The following PLEKHA5 variants were observed in gnomAD, a reference collection of about 807,000 sequenced individuals.
PLEKHA5 encodes the protein pleckstrin homology domain-containing family A member 5.
A neutral mutation model predicts 181.9 loss-of-function variants in PLEKHA5; 55 were observed. The ratio of observed to expected loss-of-function variants is 0.30; its 90% confidence interval spans 0.24 to 0.38. PLEKHA5 has a LOEUF of 0.38. Among genes scored for constraint, PLEKHA5 ranks in the 10% least tolerant of loss-of-function variants. PLEKHA5 has a pLI of 1.00. For synonymous variants in PLEKHA5, 535 were observed against 529.4 expected (o/e 1.01, Z -0.15); for missense variants, 1,432 against 1,549.5 (o/e 0.92, Z 1.27).
At chr12:19,206,483 C>T (rs1293814481) in intron 3 of PLEKHA5, among the ~76,000 whole-genome samples, 1 of 151,890 alleles carries the variant, frequency 6.6e-6, no homozygotes, top group Non-Finnish European at 1.5e-5. Context: ...ATATTTATTT[C>T]CTTCGGGGAA....
chr12:19,186,500 GA>G (rs756746833), intron 3 of PLEKHA5, among the ~76,000 whole-genome samples: 3 of 152,154 alleles, frequency 2.0e-5, no homozygotes, highest in Non-Finnish European at 4.4e-5. Flanking sequence ...GTGAATAACT[GA>G]AAATAAGCTC....
rs1345598530 is a variant in PLEKHA5 at position 19,375,836 on chromosome 12, C to A, written c.*317C>A. 1 of 152,462 alleles carries A rather than the reference C, an allele frequency of 6.6e-6. No homozygotes were observed. Among genetic ancestry groups the A allele is most frequent in the Non-Finnish European group, 1.5e-5 (1 of 68,018 alleles). The allele number at this position is 152,462 out of a possible 1,614,324, so 9.4% of individuals were successfully genotyped here. A position where few individuals can be genotyped will look rare whatever the true frequency, so the allele number is the denominator to read the frequency against. ...CAGAGCTTACTTAGTTGCTGATTTC[C>A]AGATTTCGATGTTTCTTAAGTCTAG... On this transcript the variant is annotated 3_prime_UTR_variant, in exon 32 of 32. Transcript: ENST00000429027.
At chr12:19,156,108 G>T (rs775375755) in intron 3 of PLEKHA5, among the ~76,000 whole-genome samples, 1 of 151,930 alleles carries the variant, frequency 6.6e-6, no homozygotes, top group Non-Finnish European at 1.5e-5. Context: ...ATCAGTTATC[G>T]CGCAAAGTTC....
At chr12:19,285,370 C>T (rs911107728) in intron 12 of PLEKHA5, among the ~76,000 whole-genome samples, 2 of 152,138 alleles carry the variant, frequency 1.3e-5, no homozygotes, top group Non-Finnish European at 2.9e-5. Flanking sequence ...TCTATATTCT[C>T]TATCCAATTC....
chr12:19,322,546 C>A lies in PLEKHA5; in HGVS notation c.2327C>A (p.Ala776Asp). 6.2e-7 allele frequency: 1 copy of A among 1,613,748 alleles called. No homozygotes were observed. The highest frequency in any genetic ancestry group is 8.5e-7 in the Non-Finnish European group (1 of 1,179,722). The change falls in exon 20 of 32, where the codon GCC becomes GAC. Residue 776 changes from alanine to aspartate, a missense_variant. Coordinates refer to ENST00000429027, the MANE Select transcript of PLEKHA5 (RefSeq NM_001256470.2). Reference sequence around the variant, plus strand: ...ACGCTTGAGCAAGCTTTGCTATCAGCCAGCCAAGAGATAGAAATGCATGCA... The same window carrying A: ...ACGCTTGAGCAAGCTTTGCTATCAGACAGCCAAGAGATAGAAATGCATGCA... ...KYTLEQALLS[A>D]SQEIEMHADN...
intron 3 of PLEKHA5, among the ~76,000 whole-genome samples, chr12:19,246,839 A>T (rs940821236): frequency 7.9e-5 from 12 of 152,102 alleles, no homozygotes; most frequent in African/African-American, 2.7e-4. Context: ...TCCATTGAAT[A>T]CTTTAGTTTC....
intron 3 of PLEKHA5, among the ~76,000 whole-genome samples, chr12:19,213,030 AT>A (rs938543087): frequency 2.0e-5 from 3 of 152,126 alleles, no homozygotes; most frequent in African/African-American, 7.2e-5. Flanking sequence ...AATAGGGTCT[AT>A]AAGAATATCA....
chr12:19,347,469 GA>G (rs1238996602), intron 24 of PLEKHA5, among the ~76,000 whole-genome samples: 2 of 151,848 alleles, frequency 1.3e-5, no homozygotes, highest in African/African-American at 4.8e-5. Flanking sequence ...CCGTATTTTA[GA>G]TATACCATTT....
chr12:19,187,163 A>G lies in PLEKHA5; in HGVS notation c.227+54713A>G, dbSNP rs138739422. Among the ~76,000 whole-genome samples the G allele has an allele frequency of 1.3e-4, 20 of 152,266 alleles. No homozygotes were observed. The East Asian group carries it at 3.1e-3, about 24-fold the overall frequency. On this transcript the variant is annotated intron_variant, in intron 3 of 31. Coordinates refer to ENST00000429027, the MANE Select transcript of PLEKHA5 (RefSeq NM_001256470.2). ...GTGAGGTCTTACAAATGAAGTTCCA[A>G]AAGCCCGCTTTTGCTATGTCTAGAT... is the stretch of plus-strand genomic sequence containing the variant.
At chr12:19,365,361 G>A (rs989162966) in intron 29 of PLEKHA5, among the ~76,000 whole-genome samples, 8 of 140,718 alleles carry the variant, frequency 5.7e-5, no homozygotes, top group East Asian at 2.0e-4. Flanking sequence ...GTGAGACTCC[G>A]TCTCAAAAAA....
chr12:19,130,164 C>T lies in PLEKHA5; in HGVS notation c.169+34C>T, dbSNP rs1208093739. On this transcript the variant is annotated intron_variant, in intron 2 of 31. Coordinates refer to ENST00000429027, the MANE Select transcript of PLEKHA5 (RefSeq NM_001256470.2). The surrounding 1 kb of genome is among the most constrained non-coding windows in gnomAD (Gnocchi z 4.5). Reference sequence around the variant, plus strand: ...GGGCCCAAACGGAGTTGGGCTCCGCCTGGAGGAGGCGGCAGAGCCCGGGCC... The same window carrying T: ...GGGCCCAAACGGAGTTGGGCTCCGCTTGGAGGAGGCGGCAGAGCCCGGGCC... 23 of 1,422,774 alleles carry T rather than the reference C, an allele frequency of 1.6e-5. No individual in the cohort carries two copies. The highest frequency in any genetic ancestry group is 2.2e-5 in the Non-Finnish European group (23 of 1,053,306). 88.1% of individuals were successfully genotyped at this position (1,422,774 alleles called of 1,614,324 possible). A position where few individuals can be genotyped will look rare whatever the true frequency, so the allele number is the denominator to read the frequency against.
intron 15 of PLEKHA5, among the ~76,000 whole-genome samples, chr12:19,300,940 G>T (rs2081300408): frequency 6.8e-6 from 1 of 146,484 alleles, no homozygotes; most frequent in Non-Finnish European, 1.5e-5. Flanking sequence ...TTCAAGACCA[G>T]CCTGACCAAC....
At chr12:19,370,004 C>CT (rs2095536353) in intron 31 of PLEKHA5, among the ~76,000 whole-genome samples, 1 of 152,234 alleles carries the variant, frequency 6.6e-6, no homozygotes, top group African/African-American at 2.4e-5. Flanking sequence ...ACAGCATTTT[C>CT]TTTGTCTCTT....
At chr12:19,180,673 A>C (rs1168537934) in intron 3 of PLEKHA5, among the ~76,000 whole-genome samples, 1 of 152,212 alleles carries the variant, frequency 6.6e-6, no homozygotes, top group Non-Finnish European at 1.5e-5. Flanking sequence ...TATATTTCTA[A>C]AGACCCATGC....
intron 23 of PLEKHA5, 145 bp downstream of exon 23, chr12:19,346,033 G>A (rs1307482415): frequency 2.3e-6 from 1 of 440,354 alleles, no homozygotes; most frequent in Non-Finnish European, 4.1e-6. Context: ...AATTTTATTG[G>A]ATCAGTAATT....
chr12:19,159,073 G>A (rs137858866), intron 3 of PLEKHA5, among the ~76,000 whole-genome samples: 1 of 152,190 alleles, frequency 6.6e-6, no homozygotes, highest in East Asian at 1.9e-4. Flanking sequence ...TTTAACTTTT[G>A]CTGGGCACAA....
intron 13 of PLEKHA5, among the ~76,000 whole-genome samples, chr12:19,288,586 C>A (rs1177633867): frequency 6.6e-6 from 1 of 152,160 alleles, no homozygotes; most frequent in Non-Finnish European, 1.5e-5. Context: ...TCAAATTCAT[C>A]TTATGTGTTT....
At chr12:19,211,817 A>G (rs2056959667) in intron 3 of PLEKHA5, among the ~76,000 whole-genome samples, 1 of 152,214 alleles carries the variant, frequency 6.6e-6, no homozygotes, top group Non-Finnish European at 1.5e-5. Flanking sequence ...ACAGAGAACA[A>G]AAAGCAGTTT....
intron 3 of PLEKHA5, chr12:19,237,018 G>T (rs2061505145): frequency 6.6e-6 from 1 of 152,130 alleles, no homozygotes; most frequent in Non-Finnish European, 1.5e-5. Flanking sequence ...TTTAAGAATT[G>T]ATTTTGATGA....
Sources: allele counts gnomAD v4.1 joint callset (sites outside exome capture counted in the v4.1 genomes callset), GRCh38; gene constraint gnomAD v4.1.1; non-coding constraint Gnocchi (gnomAD v3.1); transcripts MANE v1.5; gene names NCBI Gene and HGNC (gene_info 2026-07-23, HGNC 2026-07-21).